TPD52: variants seen among roughly 807,000 people sequenced by gnomAD.
TPD52 encodes the protein tumor protein D52, also known as prostate and colon associated protein.
In TPD52, 17 loss-of-function variants were observed where a neutral mutation model predicts 31.3. The observed-to-expected ratio is 0.54, with a 90% CI of 0.37 to 0.82. The LOEUF is 0.82. Ranked by LOEUF, TPD52 falls within the 40% of genes least tolerant of loss-of-function variation. TPD52 has a pLI of 0.00. For missense variants in TPD52, 212 were observed against 240.1 expected, an observed-to-expected ratio of 0.88 and a Z score of 0.77; for synonymous variants, 83 against 89.6, an observed-to-expected ratio of 0.93 and a Z score of 0.42.
chr8:80,124,900 CCT>C (rs777341533), intron 1 of TPD52, among the ~76,000 whole-genome samples: 5 of 152,154 alleles, frequency 3.3e-5, no homozygotes, highest in South Asian at 2.1e-4. Context: ...CCATATAGCC[CCT>C]GTCCCCATAT....
At chr8:80,090,281 T>C (rs114673543) in intron 1 of TPD52, among the ~76,000 whole-genome samples, 2,503 of 152,144 alleles carry the variant, frequency 0.016, 64 homozygotes, top group African/African-American at 0.057. Context: ...CACCTGTAGT[T>C]CCAGTTACTC....
chr8:80,156,858 A>G (rs1174896932), intron 1 of TPD52, among the ~76,000 whole-genome samples: 1 of 151,760 alleles, frequency 6.6e-6, no homozygotes, highest in Non-Finnish European at 1.5e-5. Flanking sequence ...GGATTGGGGT[A>G]GAGTAGAAGA....
intron 1 of TPD52, among the ~76,000 whole-genome samples, chr8:80,129,747 T>G (rs1808892394): frequency 6.9e-6 from 1 of 144,854 alleles, no homozygotes; most frequent in Non-Finnish European, 1.5e-5. Context: ...TCACCCAGGC[T>G]GGAGTGCAGT....
chr8:80,149,288 C>T (rs117734486), intron 1 of TPD52, among the ~76,000 whole-genome samples: 5,858 of 152,190 alleles, frequency 0.038, 184 homozygotes, highest in Admixed American at 0.071. Flanking sequence ...TTATAAAGGC[C>T]CGTTCCCCTG....
intron 1 of TPD52, among the ~76,000 whole-genome samples, chr8:80,170,016 T>G (rs2131294592): frequency 6.6e-6 from 1 of 152,306 alleles, no homozygotes; most frequent in South Asian, 2.1e-4. Context: ...ATAAAGCATA[T>G]TGTATGTAAT....
In TPD52 at chr8:80,083,752, G is replaced by A. The variant is rs191243059; in HGVS notation, c.20-19159C>T. On this transcript the variant is annotated intron_variant, in intron 1 of 7. Transcript: ENST00000518937. Reference sequence around the variant, plus strand: ...GAATGGACTAGTACACCTTGGTATCGGGGCAACTCTTTTTATTTCCTGTTG... The same window carrying A: ...GAATGGACTAGTACACCTTGGTATCAGGGCAACTCTTTTTATTTCCTGTTG... 8.3e-4 allele frequency among the ~76,000 whole-genome samples: 127 copies of A among 152,216 alleles called. 4 individuals carry two copies. In the East Asian group the frequency reaches 0.022, roughly 26 times the overall value.
At chr8:80,114,025 A>G (rs1172962654) in intron 1 of TPD52, among the ~76,000 whole-genome samples, 2 of 152,192 alleles carry the variant, frequency 1.3e-5, no homozygotes, top group African/African-American at 4.8e-5. Context: ...CAGGCAGATC[A>G]CTTGAGGCCA....
At chr8:80,078,739 C>T (rs984575095) in intron 1 of TPD52, among the ~76,000 whole-genome samples, 5 of 152,154 alleles carry the variant, frequency 3.3e-5, no homozygotes, top group African/African-American at 1.2e-4. Context: ...TATTCATTTG[C>T]TTTTTAATAA....
chr8:80,031,770 T>C (rs562884251), downstream of TPD52, among the ~76,000 whole-genome samples: 26 of 152,188 alleles, frequency 1.7e-4, 1 homozygote, highest in South Asian at 5.4e-3. Context: ...TGGAGGAGGA[T>C]CACTTGAGCC....
At chr8:80,170,770 TTCAGAAG>T (rs1469996919) in intron 1 of TPD52, among the ~76,000 whole-genome samples, 2 of 152,284 alleles carry the variant, frequency 1.3e-5, no homozygotes, top group African/African-American at 4.8e-5. Flanking sequence ...TTGAGCTGTT[TTCAGAAG>T]CAAGTGCACC....
At chr8:80,125,191 G>C (rs772771770) in intron 1 of TPD52, among the ~76,000 whole-genome samples, 1 of 152,230 alleles carries the variant, frequency 6.6e-6, no homozygotes, top group Non-Finnish European at 1.5e-5. Context: ...GCAAGCCTCA[G>C]CCCTGCACAG....
At chr8:80,099,076 T>A (rs142020049) in intron 1 of TPD52, among the ~76,000 whole-genome samples, 1 of 152,332 alleles carries the variant, frequency 6.6e-6, no homozygotes, top group East Asian at 1.9e-4. Context: ...TTTTTAGACA[T>A]AATGCCTATT....
At chr8:80,144,203 G>A (rs1810036719) in intron 1 of TPD52, among the ~76,000 whole-genome samples, 1 of 151,940 alleles carries the variant, frequency 6.6e-6, no homozygotes, top group Non-Finnish European at 1.5e-5. Context: ...ATAATATTTT[G>A]TTCTTTTTCC....
At chr8:80,145,340 T>C (rs1863437) in intron 1 of TPD52, among the ~76,000 whole-genome samples, 60,282 of 152,134 alleles carry the variant, frequency 0.4, 12,430 homozygotes, top group East Asian at 0.71. Context: ...TGTGAAGATT[T>C]TGATGGCAGG....
intron 1 of TPD52, among the ~76,000 whole-genome samples, chr8:80,161,732 ATTTTTT>A (rs869141433): frequency 3.2e-4 from 23 of 72,512 alleles, no homozygotes; most frequent in African/African-American, 4.8e-4. Flanking sequence ...ATATATATAT[ATTTTTT>A]TTTTTTTCTG....
At chr8:80,117,726 T>C (rs147671075) in intron 1 of TPD52, among the ~76,000 whole-genome samples, 4,023 of 130,296 alleles carry the variant, frequency 0.031, 182 homozygotes, top group African/African-American at 0.12. Flanking sequence ...CTTTCTTTTT[T>C]TTTCTTTCTT....
At chr8:80,126,949 A>C (rs1435672631) in intron 1 of TPD52, among the ~76,000 whole-genome samples, 1 of 152,086 alleles carries the variant, frequency 6.6e-6, no homozygotes, top group Admixed American at 6.6e-5. Context: ...CTCTACAAAA[A>C]AATTTTTTAA....
chr8:80,112,592 T>C (rs1335229084), intron 1 of TPD52, among the ~76,000 whole-genome samples: 1 of 152,176 alleles, frequency 6.6e-6, no homozygotes, highest in African/African-American at 2.4e-5. Flanking sequence ...AAAAAAACAA[T>C]GTAGAGTTTA....
intron 3 of TPD52, chr8:80,052,712 T>A: frequency 7.9e-7 from 1 of 1,260,486 alleles, no homozygotes; most frequent in Non-Finnish European, 1.0e-6. Context: ...ATGATAATGC[T>A]ATATCATAGC....
Sources: allele counts gnomAD v4.1 joint callset (sites outside exome capture counted in the v4.1 genomes callset), GRCh38; gene constraint gnomAD v4.1.1; transcripts MANE v1.5; gene names NCBI Gene and HGNC (gene_info 2026-07-23, HGNC 2026-07-21).